The following ZDHHC14 variants were observed in gnomAD, a reference collection of about 807,000 sequenced individuals.
The protein encoded by ZDHHC14 is zDHHC palmitoyltransferase 14.
Under a neutral mutation model 47.7 loss-of-function variants are expected in ZDHHC14, and 16 were observed. The observed-to-expected ratio is 0.34, with a 90% confidence interval of 0.23 to 0.51. The LOEUF (loss-of-function observed/expected upper bound fraction) is 0.51. ZDHHC14 is among the 20% of genes least tolerant of loss of function. The pLI is 0.97. For missense variants in ZDHHC14, 515 were observed against 662.5 expected, an observed-to-expected ratio of 0.78 and a Z score of 2.44; for synonymous variants, 293 against 278.9, an observed-to-expected ratio of 1.05 and a Z score of -0.50.
chr6:157,411,547 C>T (rs1013987540), intron 1 of ZDHHC14, among the ~76,000 whole-genome samples: 4 of 152,028 alleles, frequency 2.6e-5, no homozygotes, highest in African/African-American at 9.7e-5. Flanking sequence ...GTGAGATGTC[C>T]CTCCTGGGGG....
chr6:157,633,484 G>C lies in ZDHHC14; in HGVS notation c.752+602G>C, dbSNP rs188951048. On this transcript the variant is annotated intron_variant, in intron 5 of 8. Coordinates refer to ENST00000359775, the MANE Select transcript of ZDHHC14 (RefSeq NM_024630.3). Reference sequence around the variant, plus strand: ...TAGTATTTTGAATCTTGAAAGAAAAGCGTGTGCCCATTAAGTGCTTGAATG... The same window carrying C: ...TAGTATTTTGAATCTTGAAAGAAAACCGTGTGCCCATTAAGTGCTTGAATG... 4.1e-4 allele frequency among the ~76,000 whole-genome samples: 62 copies of C among 152,222 alleles called. 1 individual carries two copies. The highest frequency in any genetic ancestry group is 1.5e-3 in the African/African-American group (61 of 41,536).
At chr6:157,566,590 G>A (rs1562484509) in intron 2 of ZDHHC14, among the ~76,000 whole-genome samples, 1 of 152,168 alleles carries the variant, frequency 6.6e-6, no homozygotes, top group Non-Finnish European at 1.5e-5. Context: ...AGGTCCGAAT[G>A]ACACTCTGGC....
At chr6:157,639,494 T>C (rs1777144513) in intron 5 of ZDHHC14, among the ~76,000 whole-genome samples, 1 of 152,064 alleles carries the variant, frequency 6.6e-6, no homozygotes, top group Admixed American at 6.5e-5. Flanking sequence ...TTAGTAGAGA[T>C]GGGGTTTCAC....
At chr6:157,653,333 T>A (rs907605736) in intron 7 of ZDHHC14, among the ~76,000 whole-genome samples, 192 bp from the exon 8 acceptor site, 1 of 151,990 alleles carries the variant, frequency 6.6e-6, no homozygotes, top group Non-Finnish European at 1.5e-5. Context: ...CATGCCGTAG[T>A]CATGTTTAAA....
Position 157,517,350 on chromosome 6 carries a change from T to C in ZDHHC14, c.246-25235T>C, listed in dbSNP as rs372406744. On this transcript the variant is annotated intron_variant, in intron 1 of 8. Transcript: ENST00000359775. The stretch of plus-strand genomic sequence containing the variant: ...TTTTTTTTGAGACAGAGTTTCGCTC[T>C]GTCAGCCAGGCTGGAGTGCAGTGGC... 1.5e-3 allele frequency among the ~76,000 whole-genome samples: 223 copies of C among 150,998 alleles called. 1 individual carries two copies. The highest frequency in any genetic ancestry group is 5.0e-3 in the African/African-American group (204 of 41,002).
chr6:157,392,872 T>G (rs561563224), intron 1 of ZDHHC14, among the ~76,000 whole-genome samples: 1 of 152,044 alleles, frequency 6.6e-6, no homozygotes, highest in Non-Finnish European at 1.5e-5. Context: ...TTTATAACAA[T>G]TTTTTTTAAT....
intron 1 of ZDHHC14, among the ~76,000 whole-genome samples, chr6:157,393,313 C>T (rs1021986799): frequency 6.6e-6 from 1 of 152,164 alleles, no homozygotes; most frequent in African/African-American, 2.4e-5. Flanking sequence ...TGAGGTGGGG[C>T]CCAGCAAGGC....
intron 3 of ZDHHC14, among the ~76,000 whole-genome samples, chr6:157,610,630 T>C (rs1257110143): frequency 6.6e-6 from 1 of 152,184 alleles, no homozygotes. Context: ...GAGGCAGCGT[T>C]GGCCCACAGA....
chr6:157,518,287 G>T (rs1780774350), intron 1 of ZDHHC14, among the ~76,000 whole-genome samples: 1 of 151,678 alleles, frequency 6.6e-6, no homozygotes, highest in South Asian at 2.1e-4. Context: ...GTACACTGAG[G>T]ATGCCAGCAG....
intron 1 of ZDHHC14, among the ~76,000 whole-genome samples, chr6:157,393,876 C>T (rs1321465414): frequency 1.3e-5 from 2 of 152,142 alleles, no homozygotes; most frequent in Non-Finnish European, 2.9e-5. Flanking sequence ...CTTTCCTAAG[C>T]AAGATTGCAC....
At chr6:157,402,322 C>A (rs773836415) in intron 1 of ZDHHC14, among the ~76,000 whole-genome samples, 2 of 150,592 alleles carry the variant, frequency 1.3e-5, no homozygotes, top group Non-Finnish European at 3.0e-5. Context: ...CTGCTGAGGT[C>A]GCAGTTGCAG....
intron 1 of ZDHHC14, among the ~76,000 whole-genome samples, chr6:157,395,272 C>A (rs1055817553): frequency 4.0e-5 from 6 of 151,646 alleles, no homozygotes; most frequent in African/African-American, 1.5e-4. Context: ...GCAATCCTCC[C>A]ACCTCAGCCT....
intron 2 of ZDHHC14, among the ~76,000 whole-genome samples, chr6:157,589,978 G>A (rs1226808392): frequency 6.6e-6 from 1 of 152,198 alleles, no homozygotes; most frequent in Non-Finnish European, 1.5e-5. Flanking sequence ...AGACGGAGAT[G>A]AGAAACTTCT....
At chr6:157,481,686 C>T (rs1186785406) in intron 1 of ZDHHC14, among the ~76,000 whole-genome samples, 2 of 152,200 alleles carry the variant, frequency 1.3e-5, no homozygotes, top group Non-Finnish European at 2.9e-5. Flanking sequence ...AACGTCACCT[C>T]TTCCAGGAAG....
chr6:157,386,371 C>A (rs1479268207), intron 1 of ZDHHC14, among the ~76,000 whole-genome samples: 1 of 152,144 alleles, frequency 6.6e-6, no homozygotes, highest in Non-Finnish European at 1.5e-5. Context: ...TAAAAATATA[C>A]AAATAAAATA....
intron 1 of ZDHHC14, among the ~76,000 whole-genome samples, chr6:157,473,001 C>A (rs1583679462): frequency 6.6e-6 from 1 of 152,170 alleles, no homozygotes; most frequent in East Asian, 1.9e-4. Context: ...CTGGTGCTTT[C>A]AAAAATCTGT....
At chr6:157,563,987 C>G (rs1005579645) in intron 2 of ZDHHC14, among the ~76,000 whole-genome samples, 2 of 152,182 alleles carry the variant, frequency 1.3e-5, no homozygotes, top group African/African-American at 4.8e-5. Context: ...AAGGGCCAGA[C>G]AGAAAGCAAA....
intron 1 of ZDHHC14, among the ~76,000 whole-genome samples, chr6:157,425,272 T>A (rs2114774693): frequency 6.6e-6 from 1 of 152,322 alleles, no homozygotes; most frequent in Non-Finnish European, 1.5e-5. Flanking sequence ...TGGTTATTGT[T>A]CATATACAAG....
chr6:157,458,605 G>A (rs1416428832), intron 1 of ZDHHC14, among the ~76,000 whole-genome samples: 1 of 152,110 alleles, frequency 6.6e-6, no homozygotes, highest in Non-Finnish European at 1.5e-5. Context: ...TCGGGGGCTT[G>A]GCCTGGGGCA....
Sources: gnomAD v4.1 joint callset for allele counts (sites outside exome capture counted in the v4.1 genomes callset) on GRCh38, gnomAD v4.1.1 for gene constraint, MANE v1.5 for transcripts, NCBI Gene and HGNC (gene_info 2026-07-23, HGNC 2026-07-21) for gene names.